The following TRAP1 variants were observed in gnomAD, a reference collection of about 807,000 sequenced individuals.
The protein encoded by TRAP1 is heat shock protein 75 kDa, mitochondrial.
Under a neutral mutation model 89.1 loss-of-function variants are expected in TRAP1, and 102 were observed. The ratio of observed to expected loss-of-function variants is 1.15; its 90% CI spans 0.98 to 1.35. The LOEUF (loss-of-function observed/expected upper bound fraction) is 1.35, where lower values mean the gene tolerates loss of function less well. TRAP1 is among the 40% of genes most tolerant of loss of function. The pLI is 0.00. For synonymous variants in TRAP1, 508 were observed against 388.0 expected (o/e 1.31, Z -3.64); for missense variants, 1,256 against 945.3 (o/e 1.33, Z -4.31).
At chr16:3,668,173 C>T (rs139258239) in intron 11 of TRAP1, among the ~76,000 whole-genome samples, 243 of 152,192 alleles carry the variant, frequency 1.6e-3, no homozygotes, top group African/African-American at 5.3e-3. Flanking sequence ...CCACCCGCCT[C>T]GGCCTCCCAA....
chr16:3,665,993 G>C lies in TRAP1; in HGVS notation c.1361C>G (p.Thr454Ser), dbSNP rs2050822245. 6.2e-7 allele frequency: 1 copy of C among 1,613,564 alleles called. No homozygotes were observed. Among genetic ancestry groups the C allele is most frequent in the African/African-American group, 1.3e-5 (1 of 74,850 alleles). ...YGLFMREGIV[T>S]ATEQEVKEDI... ...TACCTTGACCTCCTGCTCGGTGGCG[G>C]TCACAATGCCCTCCCGCATGAACAG... The change falls in exon 12 of 18, where the codon ACC becomes AGC. Residue 454 changes from threonine (T) to serine (S), a missense_variant. Physicochemically the swap from Thr to Ser is moderately conservative, Grantham distance 58 (BLOSUM62 1). Transcript: ENST00000246957.
chr16:3,663,867 T>C (rs947224345), intron 13 of TRAP1: 13 of 390,008 alleles, frequency 3.3e-5, no homozygotes, highest in Admixed American at 8.1e-5. Context: ...AGGTCAGGAG[T>C]TCGAGACCAA....
intron 11 of TRAP1, 110 bp downstream of exon 11, chr16:3,671,612 A>G: frequency 1.6e-6 from 2 of 1,225,292 alleles, no homozygotes; most frequent in Admixed American, 4.0e-5. Flanking sequence ...GGCTTCCCCG[A>G]CCACCTCTGC....
rs372591545 is a variant in TRAP1 at position 3,672,795 on chromosome 16, C to G, written c.1070G>C (p.Arg357Pro). The change falls in exon 10 of 18, where the codon CGG becomes CCG. Residue 357 changes from arginine to proline, a missense_variant. Physicochemically the swap from Arg to Pro is moderately radical, Grantham distance 103. Coordinates refer to ENST00000246957, the MANE Select transcript of TRAP1 (RefSeq NM_016292.3). Reference protein sequence around the residue: ...DMKPSMFDVSRELGSSVALYS... With the variant: ...DMKPSMFDVSPELGSSVALYS... ...CAGTGCAACGCTGGAGCCCAGCTCC[C>G]GGCTCACATCAAACATGGACGGTTT... 1.2e-6 allele frequency: 2 copies of G among 1,612,872 alleles called. No homozygotes were observed. The highest frequency in any genetic ancestry group is 4.5e-5 in the East Asian group (2 of 44,830).
At chr16:3,713,329 G>A (rs1445782779) in intron 1 of TRAP1, among the ~76,000 whole-genome samples, 3 of 152,192 alleles carry the variant, frequency 2.0e-5, no homozygotes, top group East Asian at 3.9e-4. Flanking sequence ...GCAGCAGGCA[G>A]GCACCACCTA....
At chr16:3,674,698 G>A (rs1294219385) in intron 8 of TRAP1, 2 of 625,130 alleles carry the variant, frequency 3.2e-6, no homozygotes, top group Non-Finnish European at 5.5e-6. Context: ...CTCTGGGGCA[G>A]GAGCTCCTCA....
At chr16:3,717,271 G>C (rs1485623137) in intron 1 of TRAP1, 150 bp downstream of exon 1, 7 of 354,014 alleles carry the variant, frequency 2.0e-5, no homozygotes, top group Middle Eastern at 7.7e-4. Context: ...GGAGCGGAGC[G>C]AAAGTAAACG....
At chr16:3,672,598 G>C (rs1431778818) in intron 10 of TRAP1, 102 bp downstream of exon 10, 2 of 1,446,556 alleles carry the variant, frequency 1.4e-6, no homozygotes, top group African/African-American at 2.8e-5. Context: ...CGGTGCTCTC[G>C]CTGCAGAGGG....
At chr16:3,672,663 CCACGGGGG>C (rs1210709610) in intron 10 of TRAP1, 29 bp downstream of exon 10, 2 of 1,585,980 alleles carry the variant, frequency 1.3e-6, no homozygotes, top group Non-Finnish European at 1.7e-6. Flanking sequence ...CGACACTGGG[CCACGGGGG>C]CACTGCTCAC....
chr16:3,700,493 G>A (rs1427344713), intron 1 of TRAP1, among the ~76,000 whole-genome samples: 1 of 145,762 alleles, frequency 6.9e-6, no homozygotes, highest in African/African-American at 2.6e-5. Context: ...TTGAGATGCA[G>A]TCTCACTCTG....
intron 1 of TRAP1, among the ~76,000 whole-genome samples, chr16:3,717,183 A>G (rs1388349975): frequency 6.6e-6 from 1 of 152,112 alleles, no homozygotes; most frequent in African/African-American, 2.4e-5. Context: ...CCCAAGACCC[A>G]GCCTCCTTCA....
intron 1 of TRAP1, among the ~76,000 whole-genome samples, chr16:3,698,777 T>C (rs1037903908): frequency 9.2e-5 from 14 of 152,004 alleles, no homozygotes; most frequent in South Asian, 6.2e-4. Flanking sequence ...TGCATGCCTG[T>C]AGTCTCAGCT....
At chr16:3,691,342 G>A (rs901571279) in intron 1 of TRAP1, among the ~76,000 whole-genome samples, 4 of 152,144 alleles carry the variant, frequency 2.6e-5, no homozygotes, top group Admixed American at 6.6e-5. Flanking sequence ...TCCGCCTCAC[G>A]AGTAGCTGGG....
At chr16:3,691,561 G>A (rs2008344) in intron 1 of TRAP1, among the ~76,000 whole-genome samples, 44,405 of 151,822 alleles carry the variant, frequency 0.29, 11,061 homozygotes, top group African/African-American at 0.67. Context: ...TTCGCCTCAC[G>A]GGTGACACCT....
At chr16:3,698,609 C>G (rs1280868622) in intron 1 of TRAP1, among the ~76,000 whole-genome samples, 1 of 150,946 alleles carries the variant, frequency 6.6e-6, no homozygotes, top group African/African-American at 2.4e-5. Flanking sequence ...GCTTCTACAA[C>G]AACTTTTAAT....
chr16:3,716,170 G>A (rs534175770), intron 1 of TRAP1, among the ~76,000 whole-genome samples: 1 of 152,262 alleles, frequency 6.6e-6, no homozygotes, highest in Non-Finnish European at 1.5e-5. Context: ...ATCTTTTATA[G>A]ACCACTGGTT....
chr16:3,710,099 T>C (rs1217899293), intron 1 of TRAP1, among the ~76,000 whole-genome samples: 4 of 152,208 alleles, frequency 2.6e-5, no homozygotes, highest in African/African-American at 7.2e-5. Flanking sequence ...TCTACTATGA[T>C]ATACTGATAC....
Position 3,717,487 on chromosome 16 carries a change from G to C in TRAP1, c.22C>G (p.Leu8Val), listed in dbSNP as rs2051613800. ...CGCAGGCGGCGGCCCCACAGCAGCA[G>C]CGCCCGCAGCTCGCGCGCCATGTCG... is the stretch of plus-strand genomic sequence containing the variant. MARELRALLLWGRRLRPL... is the reference protein window; with the variant it reads MARELRAVLLWGRRLRPL... The change falls in exon 1 of 18, where the codon CTG becomes GTG. Residue 8 changes from leucine (L) to valine (V), a missense_variant. Coordinates refer to ENST00000246957, the MANE Select transcript of TRAP1 (RefSeq NM_016292.3). 1 of 1,342,740 alleles carries C rather than the reference G, an allele frequency of 7.4e-7. No homozygotes were observed. Among genetic ancestry groups the C allele is most frequent in the Middle Eastern group, 2.8e-4 (1 of 3,560 alleles). 83.2% of individuals were successfully genotyped at this position (1,342,740 alleles called of 1,614,324 possible).
chr16:3,684,768 C>T (rs1387498054), intron 4 of TRAP1, among the ~76,000 whole-genome samples: 1 of 151,954 alleles, frequency 6.6e-6, no homozygotes, highest in Middle Eastern at 3.4e-3. Flanking sequence ...CCAGCCTGGG[C>T]GACACAGCCA....
Sources: allele counts gnomAD v4.1 joint callset (sites outside exome capture counted in the v4.1 genomes callset), GRCh38; gene constraint gnomAD v4.1.1; transcripts MANE v1.5; gene names NCBI Gene and HGNC (gene_info 2026-07-23, HGNC 2026-07-21).